BCL2: variants seen among roughly 807,000 people sequenced by gnomAD.
BCL2 encodes apoptosis regulator Bcl-2.
BCL2 carries 1 observed loss-of-function variant against 14.2 expected under a neutral mutation model. That is an observed-to-expected ratio of 0.07 (90% confidence interval 0.02 to 0.33). BCL2 has a LOEUF of 0.33. Among genes scored for constraint, BCL2 ranks in the 10% least tolerant of loss-of-function variants. The probability of loss-of-function intolerance (pLI) is 0.99; values close to 1 mark genes in which losing one functional copy is unlikely to be tolerated. For missense variants in BCL2, 247 were observed against 305.9 expected, an observed-to-expected ratio of 0.81 and a Z score of 1.44; for synonymous variants, 151 against 137.2, an observed-to-expected ratio of 1.10 and a Z score of -0.70.
chr18:63,222,223 G>T (rs990619438), intron 2 of BCL2, among the ~76,000 whole-genome samples: 2 of 143,514 alleles, frequency 1.4e-5, no homozygotes, highest in Non-Finnish European at 3.0e-5. Flanking sequence ...TCAGTGAGCC[G>T]AGATCGCACC....
chr18:63,188,999 G>GTTTTTT (rs36046351), intron 2 of BCL2, among the ~76,000 whole-genome samples: 1 of 139,908 alleles, frequency 7.1e-6, no homozygotes, highest in Non-Finnish European at 1.5e-5. Flanking sequence ...TTTTCCCCAA[G>GTTTTTT]TTTTTTTTTT....
chr18:63,141,676 C>T (rs550720963), intron 2 of BCL2, among the ~76,000 whole-genome samples: 1 of 152,200 alleles, frequency 6.6e-6, no homozygotes, highest in African/African-American at 2.4e-5. Flanking sequence ...GGCAGACTGG[C>T]GTTTGGAATA....
At chr18:63,231,840 G>T (rs971275658) in intron 2 of BCL2, among the ~76,000 whole-genome samples, 1 of 151,964 alleles carries the variant, frequency 6.6e-6, no homozygotes, top group East Asian at 1.9e-4. Flanking sequence ...TTTGTAACCG[G>T]TTTTAAAATT....
At chr18:63,219,036 C>T (rs1018288445) in intron 2 of BCL2, among the ~76,000 whole-genome samples, 3 of 152,206 alleles carry the variant, frequency 2.0e-5, no homozygotes, top group African/African-American at 4.8e-5. Flanking sequence ...TCATCCAACA[C>T]TTTATGTGAC....
intron 2 of BCL2, among the ~76,000 whole-genome samples, chr18:63,144,254 A>C (rs1914450172): frequency 6.6e-6 from 1 of 152,140 alleles, no homozygotes; most frequent in Admixed American, 6.6e-5. Flanking sequence ...AACCACTTTA[A>C]AAAGTATTTA....
chr18:63,183,314 T>C (rs1568226919), intron 2 of BCL2, among the ~76,000 whole-genome samples: 2 of 152,254 alleles, frequency 1.3e-5, no homozygotes, highest in African/African-American at 4.8e-5. Flanking sequence ...TGCTCCTCTA[T>C]TGCTCCAGGA....
chr18:63,302,722 G>C, intron 2 of BCL2: 1 of 985,362 alleles, frequency 1.0e-6, no homozygotes, highest in Non-Finnish European at 1.2e-6. Context: ...GGGAAAAAGA[G>C]GTTTAGTAAG....
chr18:63,182,549 G>T (rs941563002), intron 2 of BCL2, among the ~76,000 whole-genome samples: 1 of 152,168 alleles, frequency 6.6e-6, no homozygotes, highest in Non-Finnish European at 1.5e-5. Context: ...GAGACCGGGG[G>T]ATGTCCACAG....
At chr18:63,287,250 G>T (rs1037180467) in intron 2 of BCL2, among the ~76,000 whole-genome samples, 10 of 152,160 alleles carry the variant, frequency 6.6e-5, no homozygotes, top group Admixed American at 2.0e-4. Flanking sequence ...TTAGAATTCT[G>T]TATGCTCCTT....
In BCL2 at chr18:63,265,717, G is replaced by A. The variant is rs142085147; in HGVS notation, c.585+52365C>T. Among the ~76,000 whole-genome samples, 16 of 152,178 alleles carry A rather than the reference G, an allele frequency of 1.1e-4. No individual in the cohort carries two copies. In the East Asian group the frequency reaches 3.1e-3, roughly 29 times the overall value. On this transcript the variant is annotated intron_variant, in intron 2 of 2. Transcript: ENST00000333681. Reference sequence around the variant, plus strand: ...AAACCAGGGACCTATCTGGAACATAGATCACAGACAAAGGATATATTTCTT... The same window carrying A: ...AAACCAGGGACCTATCTGGAACATAAATCACAGACAAAGGATATATTTCTT...
In BCL2 at chr18:63,318,961, T is replaced by A; in HGVS notation, c.-286-9A>T. Reference sequence around the variant, plus strand: ...CTACTTCCTCTGTGATGCTGAAAGGTTAAAGAAAAAACAAACTAATAAGTA... The same window carrying A: ...CTACTTCCTCTGTGATGCTGAAAGGATAAAGAAAAAACAAACTAATAAGTA... On this transcript the variant is annotated splice_polypyrimidine_tract_variant and intron_variant, in intron 1 of 2. Transcript: ENST00000333681. The surrounding 1 kb of genome is among the most constrained non-coding windows in gnomAD (Gnocchi z 7.4). 2 of 1,290,614 alleles carry A rather than the reference T, an allele frequency of 1.5e-6. No homozygotes were observed. The highest frequency in any genetic ancestry group is 2.0e-6 in the Non-Finnish European group (2 of 1,010,486). The allele number at this position is 1,290,614 out of a possible 1,614,324, so 79.9% of individuals were successfully genotyped here. A position where few individuals can be genotyped will look rare whatever the true frequency, so the allele number is the denominator to read the frequency against.
chr18:63,128,477 G>A lies in BCL2; in HGVS notation c.*148C>T. 1.7e-6 allele frequency: 1 copy of A among 575,502 alleles called. No homozygotes were observed. The highest frequency in any genetic ancestry group is 3.0e-5 in the Admixed American group (1 of 33,392). The allele number at this position is 575,502 out of a possible 1,614,324, so 35.6% of individuals were successfully genotyped here. On this transcript the variant is annotated 3_prime_UTR_variant, in exon 3 of 3. Coordinates refer to ENST00000333681, the MANE Select transcript of BCL2 (RefSeq NM_000633.3). ...ACTGTTAATTGTTGTGTGTGTGTGTGTCTGTCTGTGTGTGTGATGTTTATA... is the reference window on the plus strand; with the variant it reads ...ACTGTTAATTGTTGTGTGTGTGTGTATCTGTCTGTGTGTGTGATGTTTATA...
chr18:63,213,526 CCACACACA>C (rs57343137), intron 2 of BCL2, among the ~76,000 whole-genome samples: 1 of 147,576 alleles, frequency 6.8e-6, no homozygotes, highest in Admixed American at 6.7e-5. Flanking sequence ...ACACATTAAA[CCACACACA>C]CACACACACA....
intron 2 of BCL2, among the ~76,000 whole-genome samples, chr18:63,208,987 G>A (rs1204319640): frequency 6.6e-6 from 1 of 152,112 alleles, no homozygotes; most frequent in African/African-American, 2.4e-5. Context: ...TGATGTTTGG[G>A]GTCTCCTGGA....
intron 2 of BCL2, among the ~76,000 whole-genome samples, chr18:63,224,989 C>G (rs1910504364): frequency 6.6e-6 from 1 of 151,468 alleles, no homozygotes; most frequent in Non-Finnish European, 1.5e-5. Context: ...ATCTAGCAGG[C>G]CGAGAGAGAA....
chr18:63,237,943 A>ATT (rs113841323), intron 2 of BCL2, among the ~76,000 whole-genome samples: 5,329 of 148,838 alleles, frequency 0.036, 179 homozygotes, highest in African/African-American at 0.087. Flanking sequence ...CCAGGGTTGG[A>ATT]TTTTTTTTTT....
intron 2 of BCL2, among the ~76,000 whole-genome samples, chr18:63,214,695 T>A (rs74840518): frequency 0.041 from 6,177 of 151,868 alleles, 171 homozygotes; most frequent in East Asian, 0.1. Context: ...TTCTTTTCTT[T>A]TTTATTTATT....
At chr18:63,248,542 A>G (rs1911215584) in intron 2 of BCL2, among the ~76,000 whole-genome samples, 1 of 152,254 alleles carries the variant, frequency 6.6e-6, no homozygotes, top group African/African-American at 2.4e-5. Flanking sequence ...CCATTGGTTT[A>G]GCTCCTACGT....
intron 2 of BCL2, among the ~76,000 whole-genome samples, chr18:63,154,407 G>A (rs1299465060): frequency 6.6e-6 from 1 of 152,176 alleles, no homozygotes; most frequent in African/African-American, 2.4e-5. Context: ...CCACAAAGCA[G>A]TTGCGTCCCT....
Sources: gnomAD v4.1 joint callset for allele counts (sites outside exome capture counted in the v4.1 genomes callset) on GRCh38, gnomAD v4.1.1 for gene constraint, Gnocchi (gnomAD v3.1) non-coding constraint, MANE v1.5 for transcripts, NCBI Gene and HGNC (gene_info 2026-07-23, HGNC 2026-07-21) for gene names.